Variants in DTNA observed in about 807,000 individuals in gnomAD.
DTNA encodes the protein dystrophin-related protein 3.
Under a neutral mutation model 100.7 loss-of-function variants are expected in DTNA, and 43 were observed. The ratio of observed to expected loss-of-function variants is 0.43; its 90% CI spans 0.33 to 0.55. The LOEUF is 0.55. Ranked by LOEUF, DTNA falls within the 20% of genes least tolerant of loss-of-function variation. The probability of loss-of-function intolerance (pLI) is 0.04; values close to 1 mark genes in which losing one functional copy is unlikely to be tolerated. For missense variants in DTNA, 798 were observed against 953.9 expected, an observed-to-expected ratio of 0.84 and a Z score of 2.15; for synonymous variants, 349 against 347.9, an observed-to-expected ratio of 1.00 and a Z score of -0.04.
At chr18:34,726,281 G>T (rs551727717) in intron 1 of DTNA, among the ~76,000 whole-genome samples, 136 of 151,996 alleles carry the variant, frequency 8.9e-4, no homozygotes, top group Middle Eastern at 3.4e-3. Context: ...GATTTGGAGG[G>T]ATCAGAATAT....
intron 2 of DTNA, among the ~76,000 whole-genome samples, chr18:34,764,171 T>C (rs1487808202): frequency 1.3e-5 from 2 of 152,138 alleles, no homozygotes; most frequent in Non-Finnish European, 2.9e-5. Flanking sequence ...TGAAGCCTCT[T>C]AAGGGGCCCA....
intron 3 of DTNA, among the ~76,000 whole-genome samples, chr18:34,791,498 A>G (rs2094740689): frequency 6.6e-6 from 1 of 152,344 alleles, no homozygotes; most frequent in South Asian, 2.1e-4. Flanking sequence ...GCTCTTCCCA[A>G]CTAGAATTTA....
At chr18:34,762,235 A>C (rs918165440) in intron 2 of DTNA, among the ~76,000 whole-genome samples, 1 of 152,258 alleles carries the variant, frequency 6.6e-6, no homozygotes, top group African/African-American at 2.4e-5. Flanking sequence ...GAAAAATACC[A>C]TCTGATAAAA....
intron 20 of DTNA, among the ~76,000 whole-genome samples, chr18:34,880,175 G>A (rs1433580825): frequency 1.3e-5 from 2 of 152,170 alleles, no homozygotes; most frequent in Non-Finnish European, 2.9e-5. Flanking sequence ...ATAAGTACAT[G>A]TATAAAATCT....
intron 1 of DTNA, among the ~76,000 whole-genome samples, chr18:34,607,557 A>T (rs74920018): frequency 0.053 from 8,141 of 152,276 alleles, 223 homozygotes; most frequent in South Asian, 0.072. Flanking sequence ...AAATATATAA[A>T]AAATGGACTA....
intron 17 of DTNA, chr18:34,867,788 C>T: frequency 1.0e-6 from 1 of 985,520 alleles, no homozygotes; most frequent in Non-Finnish European, 1.2e-6. Context: ...GCAGTGCCCC[C>T]AAGGTGGCGC....
intron 1 of DTNA, among the ~76,000 whole-genome samples, chr18:34,499,354 C>T (rs2039642178): frequency 6.6e-6 from 1 of 152,160 alleles, no homozygotes; most frequent in Non-Finnish European, 1.5e-5. Context: ...TTGTGGCATA[C>T]ATGAGCTATA....
Position 34,806,249 on chromosome 18 carries a change from T to A in DTNA, c.393T>A (p.Ala131=). 1 of 1,614,020 alleles carries A rather than the reference T, an allele frequency of 6.2e-7. No homozygotes were observed. Among genetic ancestry groups the A allele is most frequent in the South Asian group, 1.1e-5 (1 of 91,080 alleles). ...PEGHGKISVF[A]VKMALATLCG... Reference sequence around the variant, plus strand: ...GCCATGGTAAAATTTCAGTATTTGCTGTCAAAATGGCTTTAGCCACATTGT... The same window carrying A: ...GCCATGGTAAAATTTCAGTATTTGCAGTCAAAATGGCTTTAGCCACATTGT... Residue 131 remains alanine, a synonymous_variant, in exon 5 of 23, where the codon GCT becomes GCA. Transcript: ENST00000444659.
chr18:34,866,628 G>A (rs893325949), intron 17 of DTNA: 1 of 1,010,406 alleles, frequency 9.9e-7, no homozygotes, highest in African/African-American at 1.7e-5. Context: ...TAAAAATCAG[G>A]CAATTAAATC....
chr18:34,711,191 A>G (rs1159224734), intron 1 of DTNA, among the ~76,000 whole-genome samples: 3 of 152,202 alleles, frequency 2.0e-5, no homozygotes, highest in Non-Finnish European at 4.4e-5. Flanking sequence ...ATCAATTCCC[A>G]GAGCGCAGAC....
intron 1 of DTNA, among the ~76,000 whole-genome samples, chr18:34,563,380 C>G (rs1433832862): frequency 6.6e-6 from 1 of 152,194 alleles, no homozygotes; most frequent in Non-Finnish European, 1.5e-5. Flanking sequence ...GGAACCAACC[C>G]TGCTGACATC....
intron 1 of DTNA, among the ~76,000 whole-genome samples, chr18:34,704,850 A>C (rs2081915011): frequency 6.6e-6 from 1 of 152,184 alleles, no homozygotes; most frequent in South Asian, 2.1e-4. Context: ...TGTTTTCTTG[A>C]CTTCACAGGT....
At chr18:34,760,740 A>G (rs1601581588) in intron 2 of DTNA, among the ~76,000 whole-genome samples, 1 of 152,244 alleles carries the variant, frequency 6.6e-6, no homozygotes, top group South Asian at 2.1e-4. Flanking sequence ...TTTGTGCCTC[A>G]TTTTGTCGCT....
intron 13 of DTNA, among the ~76,000 whole-genome samples, 175 bp from the exon 14 acceptor site, chr18:34,848,121 T>C (rs1568756882): frequency 1.3e-5 from 2 of 152,242 alleles, no homozygotes; most frequent in African/African-American, 4.8e-5. Flanking sequence ...TTCCCGACTA[T>C]ATATTAGATC....
At chr18:34,753,366 A>ATTTTATTTTATTTTTTT (rs2092500633) in intron 1 of DTNA, among the ~76,000 whole-genome samples, 8 of 133,148 alleles carry the variant, frequency 6.0e-5, no homozygotes, top group African/African-American at 2.6e-4. Context: ...TATTTATTTT[A>ATTTTATTTTATTTTTTT]TTTTTTTTTT....
Position 34,889,542 on chromosome 18 carries a change from C to T in DTNA, c.*1808C>T. 1 of 985,402 alleles carries T rather than the reference C, an allele frequency of 1.0e-6. No homozygotes were observed. The highest frequency in any genetic ancestry group is 1.2e-6 in the Non-Finnish European group (1 of 829,934). The allele number at this position is 985,402 out of a possible 1,614,324, so 61.0% of individuals were successfully genotyped here. A position where few individuals can be genotyped will look rare whatever the true frequency, so the allele number is the denominator to read the frequency against. ...AAAAACCTTCTCTGAACCCACACAC[C>T]AAGTTCGTAGTTGGTAGGTGCCCAG... On this transcript the variant is annotated 3_prime_UTR_variant, in exon 23 of 23. Transcript: ENST00000444659.
chr18:34,861,127 T>C (rs993703509), intron 16 of DTNA, among the ~76,000 whole-genome samples: 2 of 152,166 alleles, frequency 1.3e-5, no homozygotes, highest in Non-Finnish European at 2.9e-5. Context: ...AATGTTGATA[T>C]ATGGTATTTA....
intron 1 of DTNA, among the ~76,000 whole-genome samples, chr18:34,613,590 TAAAGA>T (rs1265839531): frequency 6.6e-6 from 1 of 152,176 alleles, no homozygotes; most frequent in East Asian, 1.9e-4. Flanking sequence ...ATTGCTGATA[TAAAGA>T]AAATTTTACC....
chr18:34,875,419 T>C (rs759399562), intron 18 of DTNA, 21 bp downstream of exon 18: 12 of 1,614,044 alleles, frequency 7.4e-6, no homozygotes, highest in South Asian at 4.4e-5. Context: ...TTATTTTTTG[T>C]TGTGGTCTGC....
Sources: allele counts gnomAD v4.1 joint callset (sites outside exome capture counted in the v4.1 genomes callset), GRCh38; gene constraint gnomAD v4.1.1; transcripts MANE v1.5; gene names NCBI Gene and HGNC (gene_info 2026-07-23, HGNC 2026-07-21).